The following KCNB2 variants were observed in gnomAD, a reference collection of about 807,000 sequenced individuals.
KCNB2 encodes potassium voltage-gated channel subfamily B member 2, also known as delayed rectifier potassium channel protein.
In KCNB2, 15 loss-of-function variants were observed where a neutral mutation model predicts 61.5. The observed-to-expected ratio is 0.24, with a 90% confidence interval of 0.16 to 0.38. The LOEUF (loss-of-function observed/expected upper bound fraction) is 0.38, where lower values mean the gene tolerates loss of function less well. Ranked by LOEUF, KCNB2 falls within the 10% of genes least tolerant of loss-of-function variation. KCNB2 has a pLI of 1.00. For missense variants in KCNB2, 828 were observed against 1,125.2 expected (o/e 0.74, Z 3.78); for synonymous variants, 457 against 446.0 (o/e 1.02, Z -0.31).
chr8:72,609,387 TCAA>T (rs1187308496), intron 2 of KCNB2, among the ~76,000 whole-genome samples: 9 of 152,194 alleles, frequency 5.9e-5, no homozygotes, highest in African/African-American at 2.2e-4. Flanking sequence ...AAAATTTCAG[TCAA>T]CACTTCTTTT....
chr8:72,810,875 T>C (rs960907430), intron 2 of KCNB2, among the ~76,000 whole-genome samples: 7 of 152,194 alleles, frequency 4.6e-5, no homozygotes, highest in African/African-American at 1.7e-4. Context: ...TTATCTAAAA[T>C]GCAATCAAAT....
chr8:72,754,744 G>T (rs1239272771), intron 2 of KCNB2, among the ~76,000 whole-genome samples: 1 of 152,198 alleles, frequency 6.6e-6, no homozygotes, highest in African/African-American at 2.4e-5. Context: ...GGACTTGTGT[G>T]CTGAGCATAT....
At chr8:72,802,854 A>G (rs994085518) in intron 2 of KCNB2, among the ~76,000 whole-genome samples, 3 of 152,142 alleles carry the variant, frequency 2.0e-5, no homozygotes, top group African/African-American at 7.2e-5. Context: ...AGAAATGTAA[A>G]CAGCTTCCTT....
chr8:72,555,614 A>T (rs1450334693), intron 1 of KCNB2, among the ~76,000 whole-genome samples: 1 of 151,674 alleles, frequency 6.6e-6, no homozygotes, highest in East Asian at 1.9e-4. Flanking sequence ...AAAAAAAATG[A>T]AAAAAACCCA....
At chr8:72,646,976 AGTAACCT>A in intron 2 of KCNB2, among the ~76,000 whole-genome samples, 1 of 152,332 alleles carries the variant, frequency 6.6e-6, no homozygotes, top group Admixed American at 6.5e-5. Flanking sequence ...AAAGAGGTTA[AGTAACCT>A]CAAGATCACT....
intron 2 of KCNB2, among the ~76,000 whole-genome samples, chr8:72,698,551 G>A (rs796223419): frequency 2.6e-5 from 4 of 152,130 alleles, no homozygotes; most frequent in African/African-American, 9.6e-5. Context: ...AACCAGAATA[G>A]CCAAAGCAAT....
At chr8:72,850,910 A>AT (rs60805793) in intron 2 of KCNB2, among the ~76,000 whole-genome samples, 129,750 of 152,146 alleles carry the variant, frequency 0.85, 56,296 homozygotes, top group Middle Eastern at 0.97. Flanking sequence ...TGGGAATCCA[A>AT]ATTTGTGGCT....
chr8:72,707,815 A>G (rs1267654130), intron 2 of KCNB2, among the ~76,000 whole-genome samples: 1 of 152,206 alleles, frequency 6.6e-6, no homozygotes, highest in Non-Finnish European at 1.5e-5. Flanking sequence ...GAAATCATCA[A>G]TTAAGGTATC....
At chr8:72,673,019 T>C (rs72668178) in intron 2 of KCNB2, among the ~76,000 whole-genome samples, 4,648 of 152,300 alleles carry the variant, frequency 0.031, 122 homozygotes, top group Non-Finnish European at 0.053. Flanking sequence ...AACATTACCA[T>C]ATGATCCAGC....
intron 2 of KCNB2, among the ~76,000 whole-genome samples, chr8:72,915,964 G>A (rs1458836271): frequency 6.6e-6 from 1 of 152,088 alleles, no homozygotes; most frequent in African/African-American, 2.4e-5. Context: ...TTGCAGGAAG[G>A]TAGAGTAGAA....
intron 2 of KCNB2, among the ~76,000 whole-genome samples, chr8:72,658,822 T>C (rs1355365698): frequency 6.6e-6 from 1 of 152,228 alleles, no homozygotes; most frequent in Non-Finnish European, 1.5e-5. Flanking sequence ...AAAACCTGGA[T>C]GACAACATAT....
rs757954501 is a variant in KCNB2 at position 72,936,249 on chromosome 8, C to G, written c.894C>G (p.Arg298=). ...KSVLQFQNVR[R]VVQIFRIMRI... ...TGCTGCAGTTCCAAAACGTGAGGCGCGTGGTCCAGATCTTCCGAATCATGC... is the reference window on the plus strand; with the variant it reads ...TGCTGCAGTTCCAAAACGTGAGGCGGGTGGTCCAGATCTTCCGAATCATGC... Residue 298 remains arginine (R), a synonymous_variant, in exon 3 of 3, where the codon CGC becomes CGG. Coordinates refer to ENST00000523207, the MANE Select transcript of KCNB2 (RefSeq NM_004770.3). This position sits in a 1 kb window ranked among gnomAD's most constrained non-coding sequence, Gnocchi z 5.6. The G allele has an allele frequency of 1.2e-6, 2 of 1,614,226 alleles. No individual in the cohort carries two copies. The highest frequency in any genetic ancestry group is 4.5e-5 in the East Asian group (2 of 44,878).
At chr8:72,789,269 C>G (rs1437944433) in intron 2 of KCNB2, among the ~76,000 whole-genome samples, 1 of 152,044 alleles carries the variant, frequency 6.6e-6, no homozygotes, top group Non-Finnish European at 1.5e-5. Context: ...CTGTTATTAA[C>G]AACATTTTAT....
At chr8:72,554,753 A>G (rs931985189) in intron 1 of KCNB2, among the ~76,000 whole-genome samples, 11 of 152,124 alleles carry the variant, frequency 7.2e-5, no homozygotes, top group African/African-American at 2.7e-4. Flanking sequence ...AATCTTGAAT[A>G]CTAAGACTAT....
chr8:72,894,821 G>A (rs1156228748), intron 2 of KCNB2, among the ~76,000 whole-genome samples: 5 of 152,112 alleles, frequency 3.3e-5, no homozygotes, highest in Non-Finnish European at 5.9e-5. Flanking sequence ...GGTTTGCATT[G>A]CATATTTTAG....
At chr8:72,673,117 C>A (rs1806592913) in intron 2 of KCNB2, among the ~76,000 whole-genome samples, 1 of 152,164 alleles carries the variant, frequency 6.6e-6, no homozygotes, top group African/African-American at 2.4e-5. Context: ...CAATGTTATT[C>A]ACAATAGGTG....
At chr8:72,783,306 T>C (rs1035807207) in intron 2 of KCNB2, among the ~76,000 whole-genome samples, 2 of 152,102 alleles carry the variant, frequency 1.3e-5, no homozygotes, top group Non-Finnish European at 1.5e-5. Context: ...TGACTTCCTG[T>C]GAAATTTAAC....
At chr8:72,597,172 C>CG (rs1241701570) in intron 2 of KCNB2, among the ~76,000 whole-genome samples, 1 of 151,776 alleles carries the variant, frequency 6.6e-6, no homozygotes, top group East Asian at 1.9e-4. Context: ...TACAGGCGCA[C>CG]GCCACCACAC....
At chr8:72,919,907 G>C (rs1806475320) in intron 2 of KCNB2, among the ~76,000 whole-genome samples, 1 of 152,076 alleles carries the variant, frequency 6.6e-6, no homozygotes, top group Non-Finnish European at 1.5e-5. Context: ...AATATATGCA[G>C]TAATGTTAGC....
Sources: gnomAD v4.1 joint callset for allele counts (sites outside exome capture counted in the v4.1 genomes callset) on GRCh38, gnomAD v4.1.1 for gene constraint, Gnocchi (gnomAD v3.1) non-coding constraint, MANE v1.5 for transcripts, NCBI Gene and HGNC (gene_info 2026-07-23, HGNC 2026-07-21) for gene names.